KLB: variants seen among roughly 807,000 people sequenced by gnomAD.
The protein encoded by KLB is klotho beta.
In KLB, 44 loss-of-function variants were observed where a neutral mutation model predicts 88.4. That is an observed-to-expected ratio of 0.50 (90% CI 0.39 to 0.64). The LOEUF (loss-of-function observed/expected upper bound fraction) is 0.64, where lower values mean the gene tolerates loss of function less well. Among genes scored for constraint, KLB ranks in the 30% least tolerant of loss-of-function variants. KLB has a pLI of 0.00. For synonymous variants in KLB, 548 were observed against 513.4 expected, an observed-to-expected ratio of 1.07 and a Z score of -0.91; for missense variants, 1,137 against 1,304.8, an observed-to-expected ratio of 0.87 and a Z score of 1.98.
intron 2 of KLB, among the ~76,000 whole-genome samples, chr4:39,435,020 T>G (rs1370719679): frequency 6.6e-6 from 1 of 152,040 alleles, no homozygotes. Context: ...TTGGCCAGGC[T>G]GATCTCAAAC....
chr4:39,421,430 G>T (rs1743080545), intron 1 of KLB, among the ~76,000 whole-genome samples: 1 of 152,124 alleles, frequency 6.6e-6, no homozygotes, highest in Non-Finnish European at 1.5e-5. Flanking sequence ...ACCCCAGGTG[G>T]TGAAGTGGGA....
At chr4:39,410,358 C>A (rs930358386) in intron 1 of KLB, among the ~76,000 whole-genome samples, 1 of 152,098 alleles carries the variant, frequency 6.6e-6, no homozygotes, top group East Asian at 1.9e-4. Flanking sequence ...ACTTTATGAT[C>A]GTGAGATAAA....
At chr4:39,419,312 A>G (rs1453881114) in intron 1 of KLB, among the ~76,000 whole-genome samples, 1 of 152,206 alleles carries the variant, frequency 6.6e-6, no homozygotes, top group Non-Finnish European at 1.5e-5. Flanking sequence ...ACTCTCATAC[A>G]TGGAAAATCA....
At chr4:39,439,082 A>G (rs574855123) in intron 3 of KLB, among the ~76,000 whole-genome samples, 6 of 148,078 alleles carry the variant, frequency 4.1e-5, no homozygotes, top group Admixed American at 2.1e-4. Context: ...AGCTCACTGT[A>G]GCCTCAATCT....
chr4:39,415,946 T>C (rs1398054737), intron 1 of KLB, among the ~76,000 whole-genome samples: 1 of 152,162 alleles, frequency 6.6e-6, no homozygotes, highest in Non-Finnish European at 1.5e-5. Context: ...TGACTAACTT[T>C]GTTTTAACAT....
At chr4:39,437,207 C>A (rs1743492066) in intron 2 of KLB, among the ~76,000 whole-genome samples, 2 of 152,184 alleles carry the variant, frequency 1.3e-5, no homozygotes, top group South Asian at 4.1e-4. Context: ...GCTCTTTAGC[C>A]CAGCCAGTTC....
At chr4:39,422,407 C>T (rs1042544216) in intron 1 of KLB, among the ~76,000 whole-genome samples, 2 of 152,052 alleles carry the variant, frequency 1.3e-5, no homozygotes, top group African/African-American at 4.8e-5. Flanking sequence ...GCACATAGGG[C>T]GATATAGCCT....
intron 4 of KLB, among the ~76,000 whole-genome samples, chr4:39,447,879 G>C (rs1386047510): frequency 6.6e-6 from 1 of 152,112 alleles, no homozygotes; most frequent in Non-Finnish European, 1.5e-5. Flanking sequence ...ACCACATCAT[G>C]GTAGCTTAAG....
chr4:39,412,695 T>C (rs1455702923), intron 1 of KLB, among the ~76,000 whole-genome samples: 2 of 152,306 alleles, frequency 1.3e-5, no homozygotes, highest in East Asian at 1.9e-4. Context: ...GTTTCTAGCA[T>C]AGCACTCATA....
intron 3 of KLB, among the ~76,000 whole-genome samples, chr4:39,444,998 G>C (rs980753999): frequency 2.0e-5 from 3 of 152,168 alleles, no homozygotes; most frequent in Non-Finnish European, 2.9e-5. Context: ...GGAAAAAGAA[G>C]TACTTTAAAA....
At chr4:39,447,555 CTGG>C in intron 4 of KLB, 80 bp downstream of exon 4, 2 of 1,249,188 alleles carry the variant, frequency 1.6e-6, no homozygotes, top group East Asian at 2.4e-5. Context: ...GAGCAGCAGG[CTGG>C]TGCCTGACAG....
In KLB at chr4:39,446,337, G is replaced by T; in HGVS notation, c.1611G>T (p.Glu537Asp). Residue 537 changes from glutamate to aspartate, a missense_variant, in exon 4 of 5, where the codon GAG becomes GAT. By Grantham distance (45) the Glu-to-Asp change is conservative. This residue lies in a region of KLB where 597 missense variants were observed against 765.2 expected (regional missense o/e 0.78). Transcript: ENST00000257408. The surrounding 1 kb of genome is among the most constrained non-coding windows in gnomAD (Gnocchi z 6.4). ...WGVTESVLKP[E>D]SVASSPQFSD... ...AATGAGCTTGTTTTTCACAGCCCGA[G>T]TCTGTGGCTTCGTCCCCACAGTTCA... is the stretch of plus-strand genomic sequence containing the variant. 6.2e-7 allele frequency: 1 copy of T among 1,612,960 alleles called. No homozygotes were observed. Among genetic ancestry groups the T allele is most frequent in the Non-Finnish European group, 8.5e-7 (1 of 1,179,368 alleles).
At position 39,407,061 on chromosome 4, in the gene KLB, T is replaced by C. The variant is rs748560537; in HGVS notation, c.112T>C (p.Ser38Pro). Reference sequence around the variant, plus strand: ...AATGTCCAACGGGGGATTGCAAAGATCTGTCATCCTGTCAGCACTTATTCT... The same window carrying C: ...AATGTCCAACGGGGGATTGCAAAGACCTGTCATCCTGTCAGCACTTATTCT... The part of the protein sequence containing the change: ...NTMSNGGLQR[S>P]VILSALILLR... The change falls in exon 1 of 5, where the codon TCT becomes CCT. Residue 38 changes from serine to proline, a missense_variant. Coordinates refer to ENST00000257408, the MANE Select transcript of KLB (RefSeq NM_175737.4). 3 of 1,614,030 alleles carry C rather than the reference T, an allele frequency of 1.9e-6. No homozygotes were observed. In the Admixed American group the frequency reaches 5.0e-5, roughly 27 times the overall value.
Position 39,448,700 on chromosome 4 carries a change from C to T in KLB, c.*14C>T. On this transcript the variant is annotated 3_prime_UTR_variant, in exon 5 of 5. Coordinates refer to ENST00000257408, the MANE Select transcript of KLB (RefSeq NM_175737.4). ...GTTGTTAGCTAAACTGATCTGTCTGCATGATAGACAGTTTAAAAATTCATC... is the reference window on the plus strand; with the variant it reads ...GTTGTTAGCTAAACTGATCTGTCTGTATGATAGACAGTTTAAAAATTCATC... 6.3e-7 allele frequency: 1 copy of T among 1,590,276 alleles called. No homozygotes were observed. The highest frequency in any genetic ancestry group is 1.3e-5 in the African/African-American group (1 of 74,304).
chr4:39,450,198 C>G lies in KLB; in HGVS notation c.*1512C>G, dbSNP rs1307974337. 2 of 152,160 alleles carry G rather than the reference C, an allele frequency of 1.3e-5. No individual in the cohort carries two copies. The highest frequency in any genetic ancestry group is 2.4e-5 in the African/African-American group (1 of 41,440). 9.4% of individuals were successfully genotyped at this position (152,160 alleles called of 1,614,324 possible). Reference sequence around the variant, plus strand: ...GACTTGTTCAGTGTATTTTAAACATCTGAGGAAGAAAACTTAAATATGCAC... The same window carrying G: ...GACTTGTTCAGTGTATTTTAAACATGTGAGGAAGAAAACTTAAATATGCAC... On this transcript the variant is annotated 3_prime_UTR_variant, in exon 5 of 5. Coordinates refer to ENST00000257408, the MANE Select transcript of KLB (RefSeq NM_175737.4).
rs376711378 is a variant in KLB at position 39,407,231 on chromosome 4, G to T, written c.282G>T (p.Leu94Phe). ...NFFWGIGTGALQVEGSWKKDG... is the reference protein window; with the variant it reads ...NFFWGIGTGAFQVEGSWKKDG... Reference sequence around the variant, plus strand: ...TCTGGGGTATTGGGACTGGAGCATTGCAAGTGGAAGGGAGTTGGAAGAAGG... The same window carrying T: ...TCTGGGGTATTGGGACTGGAGCATTTCAAGTGGAAGGGAGTTGGAAGAAGG... The change falls in exon 1 of 5, where the codon TTG (leucine) becomes TTT (phenylalanine). Residue 94 changes from leucine to phenylalanine, a missense_variant. By Grantham distance (22) the Leu-to-Phe change is conservative (BLOSUM62 0). This residue lies in a region of KLB where 111 missense variants were observed against 118.3 expected (regional missense o/e 0.94). Coordinates refer to ENST00000257408, the MANE Select transcript of KLB (RefSeq NM_175737.4). 4.3e-6 allele frequency: 7 copies of T among 1,614,030 alleles called. No homozygotes were observed. Among genetic ancestry groups the T allele is most frequent in the East Asian group, 2.2e-5 (1 of 44,904 alleles).
In KLB at chr4:39,448,634, CA is replaced by C. The variant is rs768653280; in HGVS notation, c.3089del (p.Asn1030ThrfsTer7). 9 of 1,612,856 alleles carry C rather than the reference CA, an allele frequency of 5.6e-6. No homozygotes were observed. In the African/African-American group the frequency reaches 6.7e-5, roughly 12 times the overall value. Reference sequence around the variant, plus strand: ...CAGAAGAGAAGAAAGTTTTGGAAAGCAAAAAACTTACAACACATACCATTAA... The same window carrying C: ...CAGAAGAGAAGAAAGTTTTGGAAAGCAAAAACTTACAACACATACCATTAA... Reference protein sequence around the residue: ...QRQKRRKFWKAKNLQHIPLKK... With the variant: ...QRQKRRKFWKXKNLQHIPLKK... On this transcript the variant is annotated frameshift_variant, in exon 5 of 5. Transcript: ENST00000257408. LOFTEE classifies it high-confidence loss of function.
At chr4:39,408,828 T>G (rs1055089117) in intron 1 of KLB, among the ~76,000 whole-genome samples, 1 of 151,954 alleles carries the variant, frequency 6.6e-6, no homozygotes, top group Non-Finnish European at 1.5e-5. Context: ...TTAGGAAAAA[T>G]AAATTATTCT....
chr4:39,445,073 T>G (rs1743706035), intron 3 of KLB, among the ~76,000 whole-genome samples: 1 of 152,196 alleles, frequency 6.6e-6, no homozygotes, highest in Non-Finnish European at 1.5e-5. Flanking sequence ...TTAAGGGCTT[T>G]GTTTTAGTTT....
Sources: allele counts gnomAD v4.1 joint callset (sites outside exome capture counted in the v4.1 genomes callset), GRCh38; gene constraint gnomAD v4.1.1; regional missense constraint gnomAD v4.1.1; non-coding constraint Gnocchi (gnomAD v3.1); transcripts MANE v1.5; gene names NCBI Gene and HGNC (gene_info 2026-07-23, HGNC 2026-07-21).